The following TBL1XR1 variants were observed in gnomAD, a reference collection of about 807,000 sequenced individuals.
TBL1XR1 encodes the protein F-box-like/WD repeat-containing protein TBL1XR1.
TBL1XR1 carries 5 observed loss-of-function variants against 66.9 expected under a neutral mutation model. The observed-to-expected ratio is 0.07, with a 90% CI of 0.04 to 0.16. TBL1XR1 has a LOEUF of 0.16. Among genes scored for constraint, TBL1XR1 ranks in the 10% least tolerant of loss-of-function variants. The pLI is 1.00. For missense variants in TBL1XR1, 238 were observed against 623.2 expected (o/e 0.38, Z 6.58); for synonymous variants, 210 against 206.0 (o/e 1.02, Z -0.17).
rs1467933008 is a variant in TBL1XR1, at chr3:177,046,142, A to G, written c.912T>C (p.Phe304=). Residue 304 remains phenylalanine (F), a synonymous_variant, in exon 10 of 16, where the codon TTT becomes TTC. Coordinates refer to ENST00000457928, the MANE Select transcript of TBL1XR1 (RefSeq NM_024665.7). ...DAHTGEAKQQ[F]PFHSAPALDV... ...TAAGAAATTTACCTGAATGAAAAGG[A>G]AACTGTTGCTTGGCTTCACCAGTAT... The G allele has an allele frequency of 6.5e-7, 1 of 1,539,422 alleles. No homozygotes were observed. Among genetic ancestry groups the G allele is most frequent in the South Asian group, 1.3e-5 (1 of 79,890 alleles).
intron 1 of TBL1XR1, among the ~76,000 whole-genome samples, chr3:177,165,442 C>A (rs1207367529): frequency 6.6e-6 from 1 of 152,170 alleles, no homozygotes; most frequent in East Asian, 1.9e-4. Flanking sequence ...AAATTCAACA[C>A]AATCTCAATC....
chr3:177,178,585 G>A (rs913372538), intron 1 of TBL1XR1, among the ~76,000 whole-genome samples: 7 of 152,152 alleles, frequency 4.6e-5, no homozygotes, highest in Admixed American at 3.3e-4. Context: ...AGCACACTAA[G>A]CAGGTAATTC....
chr3:177,104,643 TA>T (rs1275161361), intron 1 of TBL1XR1, among the ~76,000 whole-genome samples: 2 of 152,154 alleles, frequency 1.3e-5, no homozygotes, highest in Non-Finnish European at 2.9e-5. Flanking sequence ...CTTAAGCGAT[TA>T]GGGGAAAAAT....
At chr3:177,198,604 A>G (rs975461024), upstream of TBL1XR1, among the ~76,000 whole-genome samples, 4 of 152,184 alleles carry the variant, frequency 2.6e-5, no homozygotes, top group Non-Finnish European at 5.9e-5. Flanking sequence ...TAAGACTTTC[A>G]GAAAGATGGG....
intron 1 of TBL1XR1, among the ~76,000 whole-genome samples, chr3:177,171,641 T>G (rs1357715062): frequency 7.5e-6 from 1 of 132,820 alleles, no homozygotes; most frequent in Non-Finnish European, 1.5e-5. Context: ...AGGCGGAGCT[T>G]GCAGTAAGCC....
chr3:177,175,824 C>T (rs541294694), intron 1 of TBL1XR1, among the ~76,000 whole-genome samples: 4 of 152,076 alleles, frequency 2.6e-5, no homozygotes, highest in African/African-American at 9.6e-5. Context: ...TTTGGGAGGC[C>T]GAGGCGTGCG....
At chr3:177,047,754 T>C (rs538794870) in intron 7 of TBL1XR1, 1 of 549,030 alleles carries the variant, frequency 1.8e-6, no homozygotes, top group Admixed American at 3.2e-5. Context: ...ATGGGGGCCT[T>C]ATATCCAAAG....
intron 1 of TBL1XR1, among the ~76,000 whole-genome samples, chr3:177,108,242 T>C (rs889913697): frequency 6.6e-6 from 1 of 152,200 alleles, no homozygotes; most frequent in Non-Finnish European, 1.5e-5. Context: ...ATAACCATTC[T>C]ATGAAAAGGA....
chr3:177,107,698 G>A (rs1343280180), intron 1 of TBL1XR1, among the ~76,000 whole-genome samples: 2 of 152,012 alleles, frequency 1.3e-5, no homozygotes, highest in African/African-American at 2.4e-5. Context: ...ACACCATCCG[G>A]GGATCATGAA....
At chr3:177,055,626 A>G (rs1439746933) in intron 3 of TBL1XR1, among the ~76,000 whole-genome samples, 5 of 152,072 alleles carry the variant, frequency 3.3e-5, no homozygotes, top group African/African-American at 1.2e-4. Context: ...AACTATCTGA[A>G]TATGAGTAGA....
intron 2 of TBL1XR1, among the ~76,000 whole-genome samples, chr3:177,082,663 C>T (rs1052352194): frequency 1.3e-4 from 19 of 144,782 alleles, no homozygotes; most frequent in African/African-American, 4.6e-4. Flanking sequence ...ATGAAAGAAC[C>T]ATAAAATCCT....
intron 2 of TBL1XR1, among the ~76,000 whole-genome samples, chr3:177,068,062 C>T (rs1719403283): frequency 6.6e-6 from 1 of 152,184 alleles, no homozygotes; most frequent in South Asian, 2.1e-4. Flanking sequence ...CTTCACCACC[C>T]AGGTATCAGG....
intron 1 of TBL1XR1, among the ~76,000 whole-genome samples, chr3:177,139,313 G>A (rs1184535055): frequency 6.6e-6 from 1 of 152,194 alleles, no homozygotes. Flanking sequence ...GCTGAGGTCA[G>A]AAGTTCGAGA....
At chr3:177,168,712 C>T (rs972091833) in intron 1 of TBL1XR1, among the ~76,000 whole-genome samples, 9 of 152,162 alleles carry the variant, frequency 5.9e-5, no homozygotes, top group East Asian at 5.8e-4. Context: ...AACTTGTATA[C>T]ATTTAATGCT....
chr3:177,069,570 C>T, intron 2 of TBL1XR1, among the ~76,000 whole-genome samples: 1 of 149,762 alleles, frequency 6.7e-6, no homozygotes, highest in Non-Finnish European at 1.5e-5. Context: ...CCCATCTCTA[C>T]AAAAAAAAAT....
intron 4 of TBL1XR1, 86 bp downstream of exon 4, chr3:177,053,687 A>G (rs1426186400): frequency 1.5e-6 from 2 of 1,332,030 alleles, no homozygotes; most frequent in Admixed American, 2.0e-5. Context: ...AGCTAAAGTC[A>G]GAATACTGAA....
intron 2 of TBL1XR1, among the ~76,000 whole-genome samples, chr3:177,084,254 A>C (rs1243278398): frequency 2.0e-5 from 3 of 152,178 alleles, no homozygotes; most frequent in Non-Finnish European, 4.4e-5. Context: ...AAGCTGCCAT[A>C]TGCACTTCCC....
chr3:177,177,833 C>G lies in TBL1XR1; in HGVS notation c.-122+19288G>C, dbSNP rs1734336656. Among the ~76,000 whole-genome samples, 3 of 152,066 alleles carry G rather than the reference C, an allele frequency of 2.0e-5. No individual in the cohort carries two copies. The South Asian group carries it at 6.2e-4, about 31-fold the overall frequency. On this transcript the variant is annotated intron_variant, in intron 1 of 15. Coordinates refer to ENST00000457928, the MANE Select transcript of TBL1XR1 (RefSeq NM_024665.7). ...AGACAGAATGACACATAAAATAGAG[C>G]CCCTCCCTGTTCTCATGCAGTTTAA...
chr3:177,127,346 T>C (rs893227706), intron 1 of TBL1XR1, among the ~76,000 whole-genome samples: 1 of 152,236 alleles, frequency 6.6e-6, no homozygotes, highest in African/African-American at 2.4e-5. Context: ...TAAAAATTCT[T>C]CTACGATATA....
Sources: allele counts gnomAD v4.1 joint callset (sites outside exome capture counted in the v4.1 genomes callset), GRCh38; gene constraint gnomAD v4.1.1; transcripts MANE v1.5; gene names NCBI Gene and HGNC (gene_info 2026-07-23, HGNC 2026-07-21).